ABRACL: variants seen among roughly 807,000 people sequenced by gnomAD.
ABRACL encodes the protein ABRA C-terminal like.
In ABRACL, 4 loss-of-function variants were observed where a neutral mutation model predicts 7.0. The ratio of observed to expected loss-of-function variants is 0.57; its 90% CI spans 0.28 to 1.30. ABRACL has a LOEUF of 1.30. Among genes scored for constraint, ABRACL ranks in the 50% most tolerant of loss-of-function variants. ABRACL has a pLI of 0.10. For missense variants in ABRACL, 104 were observed against 97.3 expected, an observed-to-expected ratio of 1.07 and a Z score of -0.29; for synonymous variants, 30 against 36.0, an observed-to-expected ratio of 0.83 and a Z score of 0.60.
intron 1 of ABRACL, among the ~76,000 whole-genome samples, chr6:139,030,957 G>C (rs143901512): frequency 6.6e-6 from 1 of 152,208 alleles, no homozygotes; most frequent in East Asian, 1.9e-4. Flanking sequence ...TTGGATGAAC[G>C]TACATCTGCT....
chr6:139,032,506 G>A (rs1786097382), intron 1 of ABRACL, among the ~76,000 whole-genome samples: 1 of 152,210 alleles, frequency 6.6e-6, no homozygotes. Flanking sequence ...ACAAGCAACA[G>A]AGCAGATGGT....
In ABRACL at chr6:139,043,152, G is replaced by A. The variant is rs77608205; in HGVS notation, c.*249G>A. ...AATTGCAGGCAATGAGATTTTTTGC[G>A]GGGCAGGGATGGGAATGTTTGTTCA... On this transcript the variant is annotated 3_prime_UTR_variant, in exon 3 of 3. Transcript: ENST00000367660. 3.8e-3 allele frequency: 1,173 copies of A among 310,934 alleles called. 22 individuals carry two copies. The highest frequency in any genetic ancestry group is 0.023 in the African/African-American group (1,063 of 46,750). 19.3% of individuals were successfully genotyped at this position (310,934 alleles called of 1,614,324 possible).
At chr6:139,039,142 T>C (rs1786206744) in intron 2 of ABRACL, among the ~76,000 whole-genome samples, 1 of 151,914 alleles carries the variant, frequency 6.6e-6, no homozygotes, top group Admixed American at 6.6e-5. Flanking sequence ...GGAGAATCAC[T>C]TGAACCTGGG....
chr6:139,033,001 C>G (rs9495317), intron 1 of ABRACL, among the ~76,000 whole-genome samples: 64,521 of 152,126 alleles, frequency 0.42, 14,598 homozygotes, highest in African/African-American at 0.54. Flanking sequence ...GAGGGGCACC[C>G]GGTGCTATGG....
At chr6:139,031,462 C>T (rs1213292007) in intron 1 of ABRACL, among the ~76,000 whole-genome samples, 2 of 152,036 alleles carry the variant, frequency 1.3e-5, no homozygotes, top group African/African-American at 4.8e-5. Context: ...CTTTATGGGT[C>T]AAGATTCTTT....
chr6:139,029,145 C>G (rs896276210), intron 1 of ABRACL, among the ~76,000 whole-genome samples: 3 of 152,108 alleles, frequency 2.0e-5, no homozygotes, highest in Non-Finnish European at 4.4e-5. Context: ...ACTGGGAAGC[C>G]GGCAGAAATG....
At chr6:139,040,003 G>A (rs1786220677) in intron 2 of ABRACL, among the ~76,000 whole-genome samples, 2 of 151,876 alleles carry the variant, frequency 1.3e-5, no homozygotes, top group South Asian at 4.1e-4. Context: ...GGCTCAAGAG[G>A]ATCTCTTGAG....
At chr6:139,041,493 A>ATATATG (rs71932479) in intron 2 of ABRACL, among the ~76,000 whole-genome samples, 22 of 122,484 alleles carry the variant, frequency 1.8e-4, no homozygotes, top group South Asian at 7.7e-4. Flanking sequence ...ATATATATAT[A>ATATATG]TGTGTGTGTG....
chr6:139,029,549 C>A (rs1178449488), intron 1 of ABRACL, among the ~76,000 whole-genome samples: 1 of 152,124 alleles, frequency 6.6e-6, no homozygotes, highest in African/African-American at 2.4e-5. Flanking sequence ...GCCGCCCCGC[C>A]ACGGGGGGCC....
chr6:139,039,546 G>C (rs1317117047), intron 2 of ABRACL, among the ~76,000 whole-genome samples: 8 of 152,218 alleles, frequency 5.3e-5, no homozygotes, highest in South Asian at 4.1e-4. Context: ...AGAAAAGGTG[G>C]CATTTGAATT....
At chr6:139,041,245 T>G (rs896985182) in intron 2 of ABRACL, among the ~76,000 whole-genome samples, 2 of 151,846 alleles carry the variant, frequency 1.3e-5, no homozygotes, top group Admixed American at 6.6e-5. Flanking sequence ...CTCTAAACTG[T>G]AAAATATATT....
At chr6:139,034,125 T>C (rs904823209) in intron 1 of ABRACL, 30 bp from the exon 2 acceptor site, 12 of 1,613,864 alleles carry the variant, frequency 7.4e-6, no homozygotes, top group Non-Finnish European at 1.0e-5. Context: ...GTAATGGTGA[T>C]AATTTAGACT....
chr6:139,037,867 C>T (rs1265781857), intron 2 of ABRACL, among the ~76,000 whole-genome samples: 3 of 150,998 alleles, frequency 2.0e-5, no homozygotes, highest in Non-Finnish European at 4.4e-5. Flanking sequence ...ACCTCTGCCT[C>T]CTGGGTTCAA....
chr6:139,043,054 T>C lies in ABRACL; in HGVS notation c.*151T>C. 1 of 568,616 alleles carries C rather than the reference T, an allele frequency of 1.8e-6. No homozygotes were observed. Among genetic ancestry groups the C allele is most frequent in the South Asian group, 4.3e-5 (1 of 23,314 alleles). The allele number at this position is 568,616 out of a possible 1,614,324, so 35.2% of individuals were successfully genotyped here. On this transcript the variant is annotated 3_prime_UTR_variant, in exon 3 of 3. Coordinates refer to ENST00000367660, the MANE Select transcript of ABRACL (RefSeq NM_021243.3). ...CATGTTTTAGAAGTCTGTCCTTTTT[T>C]ATATCTTGAAAGAAAATCTATGTAT...
Position 139,042,805 on chromosome 6 carries a change from C to T in ABRACL, c.148C>T (p.Leu50Phe). 2 of 1,614,082 alleles carry T rather than the reference C, an allele frequency of 1.2e-6. No individual in the cohort carries two copies. Among genetic ancestry groups the T allele is most frequent in the Non-Finnish European group, 1.7e-6 (2 of 1,179,982 alleles). Residue 50 changes from leucine (L) to phenylalanine (F), a missense_variant, in exon 3 of 3, where the codon CTT becomes TTT. Leu to Phe is a conservative substitution (Grantham distance 22, BLOSUM62 0). Coordinates refer to ENST00000367660, the MANE Select transcript of ABRACL (RefSeq NM_021243.3). ...CCTCTTTGAAGCATTGGTAGGAACT[C>T]TTAAAGCTGCAAAACGAAGGAAGAT... ...ANLFEALVGT[L>F]KAAKRRKIVT... is the part of the protein sequence containing the mutation.
chr6:139,031,499 A>C (rs1786081190), intron 1 of ABRACL, among the ~76,000 whole-genome samples: 1 of 152,170 alleles, frequency 6.6e-6, no homozygotes, highest in Admixed American at 6.5e-5. Flanking sequence ...AAACTCAATC[A>C]AACCAACACA....
intron 2 of ABRACL, 115 bp from the exon 3 acceptor site, chr6:139,042,604 A>G (rs1462993338): frequency 3.0e-6 from 3 of 1,016,560 alleles, no homozygotes; most frequent in Non-Finnish European, 4.3e-6. Context: ...TAAGTGTTAA[A>G]TTGCAACCTT....
intron 2 of ABRACL, among the ~76,000 whole-genome samples, chr6:139,040,266 T>C (rs1786225419): frequency 6.6e-6 from 1 of 152,152 alleles, no homozygotes; most frequent in Admixed American, 6.5e-5. Context: ...CTTGCAGTGA[T>C]GCATGTGAGA....
intron 2 of ABRACL, among the ~76,000 whole-genome samples, chr6:139,036,641 G>T (rs117978465): frequency 1.3e-5 from 2 of 152,266 alleles, no homozygotes; most frequent in Non-Finnish European, 2.9e-5. Context: ...GTGGTATAAA[G>T]TGTGTTCCTT....
Sources: gnomAD v4.1 joint callset for allele counts (sites outside exome capture counted in the v4.1 genomes callset) on GRCh38, gnomAD v4.1.1 for gene constraint, MANE v1.5 for transcripts, NCBI Gene and HGNC (gene_info 2026-07-23, HGNC 2026-07-21) for gene names.